The following RECK variants were observed in gnomAD, a reference collection of about 807,000 sequenced individuals.
The protein encoded by RECK is reversion inducing cysteine rich protein with kazal motifs.
Under a neutral mutation model 115.1 loss-of-function variants are expected in RECK, and 69 were observed. That is an observed-to-expected ratio of 0.60 (90% CI 0.49 to 0.73). RECK has a LOEUF of 0.73. Among genes scored for constraint, RECK ranks in the 30% least tolerant of loss-of-function variants. The probability of loss-of-function intolerance (pLI) is 0.00; values close to 1 mark genes in which losing one functional copy is unlikely to be tolerated. For synonymous variants in RECK, 414 were observed against 419.7 expected (o/e 0.99, Z 0.17); for missense variants, 1,047 against 1,203.7 (o/e 0.87, Z 1.93).
intron 11 of RECK, among the ~76,000 whole-genome samples, 161 bp downstream of exon 11, chr9:36,100,704 T>C (rs1823534125): frequency 6.6e-6 from 1 of 152,166 alleles, no homozygotes; most frequent in South Asian, 2.1e-4. Context: ...GTTGAAATAC[T>C]GCTCCCCTCA....
chr9:36,120,669 G>A lies in RECK; in HGVS notation c.2471G>A (p.Cys824Tyr). The A allele has an allele frequency of 6.2e-7, 1 of 1,612,506 alleles. No individual in the cohort carries two copies. Among genetic ancestry groups the A allele is most frequent in the Non-Finnish European group, 8.5e-7 (1 of 1,178,594 alleles). The change falls in exon 19 of 21, where the codon TGT (cysteine) becomes TAT (tyrosine). Residue 824 changes from cysteine to tyrosine, a missense_variant. By Grantham distance (194) the Cys-to-Tyr change is radical (BLOSUM62 -2). Transcript: ENST00000377966. ...GCKPIIPPGA[C>Y]CPLCAGMLRV... ...AATGGTTTCTGTTATACAGGTGCTT[G>A]TTGCCCATTATGTGCTGGGATGTTA...
At chr9:36,039,286 T>TC (rs1305699499) in intron 1 of RECK, among the ~76,000 whole-genome samples, 1 of 152,236 alleles carries the variant, frequency 6.6e-6, no homozygotes, top group African/African-American at 2.4e-5. Context: ...GACAAAGGCT[T>TC]CCACTGTGAA....
At chr9:36,097,802 G>A (rs931849847) in intron 10 of RECK, among the ~76,000 whole-genome samples, 2 of 152,106 alleles carry the variant, frequency 1.3e-5, no homozygotes, top group Non-Finnish European at 2.9e-5. Context: ...ATGAATGAAT[G>A]GATAAAGAAT....
intron 6 of RECK, among the ~76,000 whole-genome samples, chr9:36,073,613 C>A (rs2132608018): frequency 6.6e-6 from 1 of 152,288 alleles, no homozygotes; most frequent in South Asian, 2.1e-4. Context: ...TCTTTAAAGA[C>A]CAAATTTGAT....
rs760974970 is a variant in RECK at position 36,102,080 on chromosome 9, AT to A, written c.1299-5del. 52 of 1,578,614 alleles carry A rather than the reference AT, an allele frequency of 3.3e-5. No homozygotes were observed. Among genetic ancestry groups the A allele is most frequent in the Admixed American group, 1.9e-4 (11 of 57,380 alleles). On this transcript the variant is annotated splice_polypyrimidine_tract_variant and intron_variant, in intron 11 of 20. Transcript: ENST00000377966. ...TTCCTCAAGCTCTAAACTTACGTGC[AT>A]TTTTTTTTCAAGATCAGATTGTGTG...
intron 1 of RECK, among the ~76,000 whole-genome samples, chr9:36,039,379 C>T (rs1288934504): frequency 6.6e-6 from 1 of 152,180 alleles, no homozygotes; most frequent in Admixed American, 6.5e-5. Flanking sequence ...GAAGGCTTTG[C>T]TTGTATTCCT....
At chr9:36,084,392 AAAAAC>A (rs1325068860) in intron 8 of RECK, among the ~76,000 whole-genome samples, 1 of 151,822 alleles carries the variant, frequency 6.6e-6, no homozygotes, top group Non-Finnish European at 1.5e-5. Context: ...GCCTGTCTAA[AAAAAC>A]AAAACAAAAC....
chr9:36,042,005 G>A (rs1319010718), intron 1 of RECK, among the ~76,000 whole-genome samples: 3 of 151,926 alleles, frequency 2.0e-5, no homozygotes, highest in African/African-American at 7.3e-5. Context: ...AATATAGTGA[G>A]AGAAATTTTT....
Position 36,094,789 on chromosome 9 carries a change from A to C in RECK, c.1085+3446A>C, listed in dbSNP as rs1252428133. On this transcript the variant is annotated intron_variant, in intron 10 of 20. Transcript: ENST00000377966. The surrounding 1 kb of genome is among the most constrained non-coding windows in gnomAD (Gnocchi z 4.1). ...TGTCAGATAGATGCATATACTCAAA[A>C]TACTTAAAAACAGAAGTAAACCCTA... is the stretch of plus-strand genomic sequence containing the variant. Among the ~76,000 whole-genome samples the C allele has an allele frequency of 1.3e-5, 2 of 152,192 alleles. No individual in the cohort carries two copies. The highest frequency in any genetic ancestry group is 4.8e-5 in the African/African-American group (2 of 41,456).
At chr9:36,060,523 G>C (rs1352406849) in intron 4 of RECK, among the ~76,000 whole-genome samples, 1 of 152,076 alleles carries the variant, frequency 6.6e-6, no homozygotes, top group Non-Finnish European at 1.5e-5. Flanking sequence ...AGATTACCAG[G>C]ATCTCTTGGT....
chr9:36,041,430 C>T (rs893801913), intron 1 of RECK, among the ~76,000 whole-genome samples: 1 of 152,184 alleles, frequency 6.6e-6, no homozygotes, highest in Non-Finnish European at 1.5e-5. Context: ...TCTAAAAATA[C>T]TGACTGTTGA....
chr9:36,050,006 T>C (rs1164908329), intron 1 of RECK, among the ~76,000 whole-genome samples: 1 of 152,198 alleles, frequency 6.6e-6, no homozygotes, highest in East Asian at 1.9e-4. Flanking sequence ...CTCTTAATTA[T>C]CTTCCCATAC....
intron 16 of RECK, among the ~76,000 whole-genome samples, chr9:36,113,958 A>G (rs1320007874): frequency 6.6e-6 from 1 of 152,232 alleles, no homozygotes; most frequent in African/African-American, 2.4e-5. Context: ...ATAATTACAT[A>G]GAGCCCATTT....
chr9:36,075,980 A>G (rs1421086056), intron 6 of RECK, among the ~76,000 whole-genome samples: 1 of 152,156 alleles, frequency 6.6e-6, no homozygotes, highest in Non-Finnish European at 1.5e-5. Flanking sequence ...AGAGAGCTGG[A>G]GTAGTCAGTA....
intron 1 of RECK, among the ~76,000 whole-genome samples, chr9:36,042,180 G>C (rs1021384645): frequency 2.0e-5 from 3 of 151,790 alleles, no homozygotes; most frequent in African/African-American, 7.3e-5. Context: ...TACCCAATGT[G>C]CAGTCTTTTA....
chr9:36,052,277 G>A lies in RECK; in HGVS notation c.113G>A (p.Cys38Tyr). 2.5e-6 allele frequency: 4 copies of A among 1,607,394 alleles called. No homozygotes were observed. Among genetic ancestry groups the A allele is most frequent in the African/African-American group, 1.3e-5 (1 of 74,868 alleles). The change falls in exon 2 of 21, where the codon TGT (cysteine) becomes TAT (tyrosine). Residue 38 changes from cysteine to tyrosine, a missense_variant. By Grantham distance (194) the Cys-to-Tyr change is radical. Coordinates refer to ENST00000377966, the MANE Select transcript of RECK (RefSeq NM_021111.3). ...LAPGSAGALC[C>Y]NHSKDNQMCR... is the part of the protein sequence containing the mutation. ...TTTTTCTCCCTAGGTGCATTGTGTT[G>A]TAATCATTCAAAGGATAACCAAATG...
intron 19 of RECK, 40 bp downstream of exon 19, chr9:36,120,776 G>C: frequency 8.0e-7 from 1 of 1,254,802 alleles, no homozygotes; most frequent in Non-Finnish European, 1.2e-6. Flanking sequence ...AAATCTTATT[G>C]CTAAGCCTCT....
intron 7 of RECK, among the ~76,000 whole-genome samples, chr9:36,081,062 G>T (rs551952756): frequency 2.0e-5 from 3 of 152,306 alleles, no homozygotes; most frequent in African/African-American, 7.2e-5. Flanking sequence ...TTCAGAGAAA[G>T]AAGGGATCAT....
At chr9:36,058,010 C>G (rs1351973936) in intron 2 of RECK, among the ~76,000 whole-genome samples, 3 of 150,766 alleles carry the variant, frequency 2.0e-5, no homozygotes, top group Non-Finnish European at 3.0e-5. Context: ...ACAACAGGTG[C>G]TGGAGAGGAT....
Sources: gnomAD v4.1 joint callset for allele counts (sites outside exome capture counted in the v4.1 genomes callset) on GRCh38, gnomAD v4.1.1 for gene constraint, Gnocchi (gnomAD v3.1) non-coding constraint, MANE v1.5 for transcripts, NCBI Gene and HGNC (gene_info 2026-07-23, HGNC 2026-07-21) for gene names.